TFB2M: variants seen among roughly 807,000 people sequenced by gnomAD.
The protein encoded by TFB2M is dimethyladenosine transferase 2, mitochondrial.
A neutral mutation model predicts 41.3 loss-of-function variants in TFB2M; 44 were observed. The ratio of observed to expected loss-of-function variants is 1.07; its 90% CI spans 0.84 to 1.37. TFB2M has a LOEUF of 1.37. Ranked by LOEUF, TFB2M falls within the 40% of genes most tolerant of loss-of-function variation. The pLI, the probability that TFB2M is intolerant of heterozygous loss-of-function variation, is 0.00. For synonymous variants in TFB2M, 188 were observed against 176.8 expected (o/e 1.06, Z -0.50); for missense variants, 496 against 490.2 (o/e 1.01, Z -0.11).
rs781540747 is a variant in TFB2M at position 246,541,065 on chromosome 1, T to C, written c.1157A>G (p.Lys386Arg). ...TIERSKDCAY[K>R]WLYDETLEDR ...TTCCAGGGTTTCATCATACAGCCAT[T>C]TATAAGCACAATCTTTGGAACGCTC... Residue 386 changes from lysine (K) to arginine (R), a missense_variant, in exon 8 of 8, where the codon AAA becomes AGA. By Grantham distance (26) the Lys-to-Arg change is conservative. Transcript: ENST00000366514. 20 of 1,613,304 alleles carry C rather than the reference T, an allele frequency of 1.2e-5. No homozygotes were observed. The highest frequency in any genetic ancestry group is 1.7e-5 in the Non-Finnish European group (20 of 1,179,680).
chr1:246,563,140 A>G (rs1208072906), intron 2 of TFB2M, among the ~76,000 whole-genome samples: 1 of 151,948 alleles, frequency 6.6e-6, no homozygotes, highest in Non-Finnish European at 1.5e-5. Context: ...GTGTGTTTCC[A>G]CTGTTCAACA....
chr1:246,554,261 G>A (rs1488703209), intron 4 of TFB2M, among the ~76,000 whole-genome samples: 3 of 152,190 alleles, frequency 2.0e-5, no homozygotes, highest in Admixed American at 2.0e-4. Flanking sequence ...CACTGGATTT[G>A]GCAATGATCT....
intron 5 of TFB2M, among the ~76,000 whole-genome samples, chr1:246,549,901 C>G (rs375102899): frequency 2.6e-5 from 4 of 152,110 alleles, no homozygotes; most frequent in African/African-American, 9.7e-5. Flanking sequence ...ACTTCCCACA[C>G]GCCTGGTCGA....
chr1:246,564,378 C>T lies in TFB2M; in HGVS notation c.370G>A (p.Glu124Lys). ...TGTGGAATAAAAGTTTTGTCACTTT[C>T]GAGCGCAACCACTTTGGCACCAGCT... ...LEAGAKVVAL[E>K]SDKTFIPHLE... The change falls in exon 2 of 8, where the codon GAA (glutamate) becomes AAA (lysine). Residue 124 changes from glutamate to lysine, a missense_variant. Coordinates refer to ENST00000366514, the MANE Select transcript of TFB2M (RefSeq NM_022366.3). 1.2e-6 allele frequency: 2 copies of T among 1,614,188 alleles called. No individual in the cohort carries two copies. Among genetic ancestry groups the T allele is most frequent in the Non-Finnish European group, 1.7e-6 (2 of 1,180,024 alleles).
In TFB2M at chr1:246,544,568, T is replaced by C; in HGVS notation, c.972A>G (p.Leu324=). The C allele has an allele frequency of 6.2e-7, 1 of 1,610,648 alleles. No homozygotes were observed. The highest frequency in any genetic ancestry group is 8.5e-7 in the Non-Finnish European group (1 of 1,179,240). Reference sequence around the variant, plus strand: ...CGCTGCGCCTCCCAAAACAGTGCTTTAACAAGTGAAAAAATATATTATAGT... The same window carrying C: ...CGCTGCGCCTCCCAAAACAGTGCTTCAACAAGTGAAAAAATATATTATAGT... ...PMNYNIFFHL[L]KHCFGRRSAT... is the part of the protein sequence containing the mutation. The change falls in exon 7 of 8, where the codon TTA becomes TTG. Residue 324 remains leucine, a synonymous_variant. Coordinates refer to ENST00000366514, the MANE Select transcript of TFB2M (RefSeq NM_022366.3).
intron 7 of TFB2M, among the ~76,000 whole-genome samples, chr1:246,542,370 C>T (rs1410813649): frequency 1.3e-5 from 2 of 151,592 alleles, no homozygotes; most frequent in East Asian, 3.9e-4. Flanking sequence ...CCAACAACAA[C>T]AATTGTAAAA....
intron 2 of TFB2M, among the ~76,000 whole-genome samples, chr1:246,562,614 T>C (rs1404750252): frequency 1.3e-5 from 2 of 151,890 alleles, no homozygotes; most frequent in East Asian, 3.9e-4. Context: ...AAGGGAGTCA[T>C]CTAAGACAAA....
intron 2 of TFB2M, among the ~76,000 whole-genome samples, chr1:246,558,904 T>C (rs978300346): frequency 1.9e-5 from 2 of 103,920 alleles, no homozygotes. Flanking sequence ...ATAGACTCCA[T>C]AAACTTAATT....
Position 246,544,584 on chromosome 1 carries a change from A to G in TFB2M, c.956T>C (p.Ile319Thr), listed in dbSNP as rs1481770171. The G allele has an allele frequency of 1.2e-6, 2 of 1,611,902 alleles. No individual in the cohort carries two copies. Among genetic ancestry groups the G allele is most frequent in the South Asian group, 1.1e-5 (1 of 90,292 alleles). ...TKNLTPMNYN[I>T]FFHLLKHCFG... ...ACAGTGCTTTAACAAGTGAAAAAAT[A>G]TATTATAGTTCATAGGTGTTAAGTT... The change falls in exon 7 of 8, where the codon ATA becomes ACA. Residue 319 changes from isoleucine to threonine, a missense_variant. Transcript: ENST00000366514.
chr1:246,541,020 C>T lies in TFB2M; in HGVS notation c.*11G>A. ...AAATGAACCGCTCCACCAAAAACGA[C>T]AGTCTAGTTGCTACCTATCTTCCAG... On this transcript the variant is annotated 3_prime_UTR_variant, in exon 8 of 8. Coordinates refer to ENST00000366514, the MANE Select transcript of TFB2M (RefSeq NM_022366.3). 2 of 1,582,678 alleles carry T rather than the reference C, an allele frequency of 1.3e-6. No homozygotes were observed. The highest frequency in any genetic ancestry group is 1.7e-6 in the Non-Finnish European group (2 of 1,165,612).
chr1:246,543,542 C>T (rs1257575603), intron 7 of TFB2M, among the ~76,000 whole-genome samples: 4 of 152,038 alleles, frequency 2.6e-5, no homozygotes, highest in African/African-American at 9.7e-5. Flanking sequence ...GTGTGGGCAT[C>T]AGGCCTACAC....
intron 4 of TFB2M, among the ~76,000 whole-genome samples, chr1:246,555,842 G>A (rs1448177607): frequency 2.0e-5 from 3 of 152,002 alleles, no homozygotes; most frequent in Non-Finnish European, 4.4e-5. Context: ...CCAGGCTGGA[G>A]TGCAGGGGCA....
rs926859532 is a variant in TFB2M, at chr1:246,566,194, C to A, written c.-56G>T. ...CACCTAGTGCAGCTACTACAGTGAA[C>A]CCCACGCAGGGTATCCCACGTGGAA... On this transcript the variant is annotated 5_prime_UTR_variant, in exon 1 of 8. Coordinates refer to ENST00000366514, the MANE Select transcript of TFB2M (RefSeq NM_022366.3). 1 of 1,543,624 alleles carries A rather than the reference C, an allele frequency of 6.5e-7. No homozygotes were observed. Among genetic ancestry groups the A allele is most frequent in the Admixed American group, 1.9e-5 (1 of 53,756 alleles).
At position 246,540,946 on chromosome 1, in the gene TFB2M, GAAAGGA is replaced by G; in HGVS notation, c.*79_*84del. On this transcript the variant is annotated 3_prime_UTR_variant, in exon 8 of 8. Coordinates refer to ENST00000366514, the MANE Select transcript of TFB2M (RefSeq NM_022366.3). ...AAGACAAGAACAGTTACCTTCTGCT[GAAAGGA>G]TGTGAGTTTTCAAATTTGGTTTTCA... The G allele has an allele frequency of 7.4e-7, 1 of 1,354,508 alleles. No homozygotes were observed. The highest frequency in any genetic ancestry group is 2.6e-4 in the Middle Eastern group (1 of 3,780). The allele number at this position is 1,354,508 out of a possible 1,614,324, so 83.9% of individuals were successfully genotyped here. A position where few individuals can be genotyped will look rare whatever the true frequency, so the allele number is the denominator to read the frequency against.
chr1:246,540,942 T>G lies in TFB2M; in HGVS notation c.*89A>C. On this transcript the variant is annotated 3_prime_UTR_variant, in exon 8 of 8. Transcript: ENST00000366514. ...GTGCAAGACAAGAACAGTTACCTTCTGCTGAAAGGATGTGAGTTTTCAAAT... is the reference window on the plus strand; with the variant it reads ...GTGCAAGACAAGAACAGTTACCTTCGGCTGAAAGGATGTGAGTTTTCAAAT... The G allele has an allele frequency of 7.6e-7, 1 of 1,309,602 alleles. No individual in the cohort carries two copies. The highest frequency in any genetic ancestry group is 1.1e-6 in the Non-Finnish European group (1 of 947,312). 81.1% of individuals were successfully genotyped at this position (1,309,602 alleles called of 1,614,324 possible). A position where few individuals can be genotyped will look rare whatever the true frequency, so the allele number is the denominator to read the frequency against.
At chr1:246,555,781 G>GTA (rs35788260) in intron 4 of TFB2M, among the ~76,000 whole-genome samples, 24,382 of 151,426 alleles carry the variant, frequency 0.16, 2,739 homozygotes, top group East Asian at 0.44. Flanking sequence ...ACAAACTGTA[G>GTA]TATATATATA....
In TFB2M at chr1:246,540,907, T is replaced by C; in HGVS notation, c.*124A>G. On this transcript the variant is annotated 3_prime_UTR_variant, in exon 8 of 8. Transcript: ENST00000366514. ...TGATATCAGCTTAGGAGAAATGATC[T>C]GCCTGGCTTGTGCAAGACAAGAACA... The C allele has an allele frequency of 2.3e-6, 2 of 852,344 alleles. No homozygotes were observed. The highest frequency in any genetic ancestry group is 3.6e-6 in the Non-Finnish European group (2 of 562,136). 52.8% of individuals were successfully genotyped at this position (852,344 alleles called of 1,614,324 possible). A position where few individuals can be genotyped will look rare whatever the true frequency, so the allele number is the denominator to read the frequency against.
At chr1:246,546,270 C>T (rs556318002) in intron 6 of TFB2M, among the ~76,000 whole-genome samples, 1 of 151,604 alleles carries the variant, frequency 6.6e-6, no homozygotes, top group Non-Finnish European at 1.5e-5. Context: ...CGTGATTATG[C>T]CACTGCACTC....
In TFB2M at chr1:246,551,286, G is replaced by C. The variant is rs1659175119; in HGVS notation, c.722C>G (p.Pro241Arg). 9.9e-6 allele frequency: 16 copies of C among 1,611,946 alleles called. No homozygotes were observed. Among genetic ancestry groups the C allele is most frequent in the Non-Finnish European group, 1.3e-5 (15 of 1,178,164 alleles). Reference protein sequence around the residue: ...EKEFQKLMADPGNPDLYHVLS... With the variant: ...EKEFQKLMADRGNPDLYHVLS... Reference sequence around the variant, plus strand: ...TACATGATACAAGTCTGGATTTCCGGGATCTGCCATTAGTTTCTAGTAAAA... The same window carrying C: ...TACATGATACAAGTCTGGATTTCCGCGATCTGCCATTAGTTTCTAGTAAAA... The change falls in exon 5 of 8, where the codon CCC becomes CGC. Residue 241 changes from proline (P) to arginine (R), a missense_variant. Physicochemically the swap from Pro to Arg is moderately radical, Grantham distance 103 (BLOSUM62 -2). Transcript: ENST00000366514.
Sources: gnomAD v4.1 joint callset for allele counts (sites outside exome capture counted in the v4.1 genomes callset) on GRCh38, gnomAD v4.1.1 for gene constraint, MANE v1.5 for transcripts, NCBI Gene and HGNC (gene_info 2026-07-23, HGNC 2026-07-21) for gene names.